Variants in WWOX observed in about 807,000 individuals in gnomAD.
WWOX encodes the protein WW domain containing oxidoreductase, also known as WW domain-containing oxidoreductase.
In WWOX, 69 loss-of-function variants were observed where a neutral mutation model predicts 46.2. That is an observed-to-expected ratio of 1.49 (90% CI 1.23 to 1.82). WWOX has a LOEUF of 1.82. WWOX is among the 40% of genes most tolerant of loss of function. The probability of loss-of-function intolerance (pLI) is 0.00; values close to 1 mark genes in which losing one functional copy is unlikely to be tolerated. For synonymous variants in WWOX, 359 were observed against 202.6 expected (o/e 1.77, Z -6.56); for missense variants, 919 against 542.6 (o/e 1.69, Z -6.89).
chr16:78,310,347 C>T (rs939505852), intron 5 of WWOX, among the ~76,000 whole-genome samples: 5 of 152,174 alleles, frequency 3.3e-5, no homozygotes, highest in Admixed American at 6.5e-5. Context: ...CACACATGCA[C>T]GCACACACAG....
chr16:78,744,380 G>A lies in WWOX; in HGVS notation c.1056+311628G>A, dbSNP rs115842624. ...TGCATGATCATTATATGCAGAAGACGCTTGAAGGGGCCAGATTAGGAAGGG... is the reference window on the plus strand; with the variant it reads ...TGCATGATCATTATATGCAGAAGACACTTGAAGGGGCCAGATTAGGAAGGG... On this transcript the variant is annotated intron_variant, in intron 8 of 8. Coordinates refer to ENST00000566780, the MANE Select transcript of WWOX (RefSeq NM_016373.4). Among the ~76,000 whole-genome samples the A allele has an allele frequency of 9.0e-3, 1,348 of 149,246 alleles. 21 individuals are homozygous for A. The highest frequency in any genetic ancestry group is 0.032 in the African/African-American group (1,285 of 40,358).
At chr16:78,702,236 C>G (rs1212225383) in intron 8 of WWOX, among the ~76,000 whole-genome samples, 1 of 149,768 alleles carries the variant, frequency 6.7e-6, no homozygotes, top group African/African-American at 2.5e-5. Context: ...GCAGTGATGA[C>G]TCCACTATAC....
chr16:78,606,746 T>C (rs993100768), intron 8 of WWOX, among the ~76,000 whole-genome samples: 6 of 124,926 alleles, frequency 4.8e-5, no homozygotes, highest in Non-Finnish European at 9.7e-5. Context: ...TTTTTTTAAA[T>C]AGGGGACGCT....
At chr16:79,103,871 C>G (rs528276374) in intron 8 of WWOX, among the ~76,000 whole-genome samples, 43 of 152,242 alleles carry the variant, frequency 2.8e-4, no homozygotes, top group African/African-American at 1.0e-3. Flanking sequence ...TAGATACACT[C>G]TGTAGGACAA....
At chr16:78,937,072 C>G (rs554092961) in intron 8 of WWOX, among the ~76,000 whole-genome samples, 2 of 152,172 alleles carry the variant, frequency 1.3e-5, no homozygotes, top group Non-Finnish European at 2.9e-5. Flanking sequence ...GTTTAAACTA[C>G]TGGAACTTCA....
intron 8 of WWOX, among the ~76,000 whole-genome samples, chr16:78,928,522 A>T (rs1015277458): frequency 6.6e-6 from 1 of 151,900 alleles, no homozygotes; most frequent in Non-Finnish European, 1.5e-5. Flanking sequence ...TGTTGTGAAT[A>T]TTTTTTCCCC....
chr16:78,419,368 A>G (rs998487342), intron 6 of WWOX, among the ~76,000 whole-genome samples: 3 of 152,122 alleles, frequency 2.0e-5, no homozygotes, highest in African/African-American at 4.8e-5. Flanking sequence ...GAGGGCTTCC[A>G]TTTCTCAATT....
chr16:78,795,102 G>T (rs1046403759), intron 8 of WWOX, among the ~76,000 whole-genome samples: 1 of 152,136 alleles, frequency 6.6e-6, no homozygotes, highest in Non-Finnish European at 1.5e-5. Flanking sequence ...GGGTGGTGTT[G>T]GTGGTGGAGG....
At position 78,291,430 on chromosome 16, in the gene WWOX, G is replaced by A. The variant is rs142563802; in HGVS notation, c.517-95430G>A. Among the ~76,000 whole-genome samples the A allele has an allele frequency of 1.5e-3, 228 of 152,214 alleles. 1 individual carries two copies. Among genetic ancestry groups the A allele is most frequent in the African/African-American group, 4.5e-3 (187 of 41,518 alleles). ...TTAATGTTCTTGAACGTTTGCCCGCGAAGGCCACTCACGTGAACTAAGTTA... is the reference window on the plus strand; with the variant it reads ...TTAATGTTCTTGAACGTTTGCCCGCAAAGGCCACTCACGTGAACTAAGTTA... On this transcript the variant is annotated intron_variant, in intron 5 of 8. Coordinates refer to ENST00000566780, the MANE Select transcript of WWOX (RefSeq NM_016373.4).
At chr16:78,662,092 G>T (rs897692851) in intron 8 of WWOX, among the ~76,000 whole-genome samples, 2 of 141,642 alleles carry the variant, frequency 1.4e-5, no homozygotes, top group Non-Finnish European at 1.6e-5. Context: ...GGTGGTGGTG[G>T]TAGTAGTAGT....
At chr16:78,756,716 A>G (rs1388509546) in intron 8 of WWOX, among the ~76,000 whole-genome samples, 1 of 152,162 alleles carries the variant, frequency 6.6e-6, no homozygotes, top group African/African-American at 2.4e-5. Flanking sequence ...TACCATATCT[A>G]ATTTTAAGGT....
At chr16:78,803,207 C>T (rs1257020708) in intron 8 of WWOX, among the ~76,000 whole-genome samples, 1 of 151,408 alleles carries the variant, frequency 6.6e-6, no homozygotes, top group South Asian at 2.1e-4. Context: ...TAGGTTCTTC[C>T]TTAAATAAAA....
At chr16:78,486,777 T>C (rs2084648216) in intron 8 of WWOX, among the ~76,000 whole-genome samples, 1 of 152,198 alleles carries the variant, frequency 6.6e-6, no homozygotes, top group Non-Finnish European at 1.5e-5. Context: ...GTTTACTGTC[T>C]TGGCCAGGCT....
intron 5 of WWOX, among the ~76,000 whole-genome samples, chr16:78,221,347 A>T (rs1196535856): frequency 6.6e-6 from 1 of 152,208 alleles, no homozygotes; most frequent in African/African-American, 2.4e-5. Flanking sequence ...AGAAAAGAGG[A>T]AGAAGGAAAA....
intron 6 of WWOX, among the ~76,000 whole-genome samples, chr16:78,391,398 C>T (rs1206547891): frequency 1.3e-5 from 2 of 152,194 alleles, no homozygotes; most frequent in Non-Finnish European, 2.9e-5. Context: ...GGTTGCAGTG[C>T]AGAGAGCCTA....
chr16:79,078,889 T>C (rs1201909140), intron 8 of WWOX, among the ~76,000 whole-genome samples: 1 of 152,164 alleles, frequency 6.6e-6, no homozygotes, highest in Non-Finnish European at 1.5e-5. Context: ...TAATAGGTGC[T>C]CAATAAATAC....
chr16:78,834,051 A>G (rs1048178191), intron 8 of WWOX, among the ~76,000 whole-genome samples: 1 of 152,256 alleles, frequency 6.6e-6, no homozygotes, highest in South Asian at 2.1e-4. Flanking sequence ...CATCAGTCAA[A>G]TCAGAACACT....
At chr16:78,839,872 A>C (rs1337164941) in intron 8 of WWOX, among the ~76,000 whole-genome samples, 1 of 152,224 alleles carries the variant, frequency 6.6e-6, no homozygotes, top group Non-Finnish European at 1.5e-5. Flanking sequence ...GTGACCTCCC[A>C]ACCCCAGGAA....
chr16:78,812,084 C>T (rs544005877), intron 8 of WWOX, among the ~76,000 whole-genome samples: 1 of 152,260 alleles, frequency 6.6e-6, no homozygotes, highest in South Asian at 2.1e-4. Flanking sequence ...GATCAAGTCT[C>T]ATTCTCTTTT....
Sources: gnomAD v4.1 joint callset for allele counts (sites outside exome capture counted in the v4.1 genomes callset) on GRCh38, gnomAD v4.1.1 for gene constraint, MANE v1.5 for transcripts, NCBI Gene and HGNC (gene_info 2026-07-23, HGNC 2026-07-21) for gene names.